LMBR1: variants seen among roughly 807,000 people sequenced by gnomAD.
LMBR1 encodes the protein limb development membrane protein 1.
Under a neutral mutation model 73.9 loss-of-function variants are expected in LMBR1, and 52 were observed. That is an observed-to-expected ratio of 0.70 (90% CI 0.56 to 0.89). The LOEUF is 0.89. Among genes scored for constraint, LMBR1 ranks in the 40% least tolerant of loss-of-function variants. The pLI, the probability that LMBR1 is intolerant of heterozygous loss-of-function variation, is 0.00. For missense variants in LMBR1, 539 were observed against 579.8 expected (o/e 0.93, Z 0.72); for synonymous variants, 215 against 209.4 (o/e 1.03, Z -0.23).
chr7:156,840,277 T>A (rs1186954164), intron 1 of LMBR1, among the ~76,000 whole-genome samples: 1 of 152,100 alleles, frequency 6.6e-6, no homozygotes, highest in East Asian at 1.9e-4. Context: ...GTGTGTCGTA[T>A]GATAATTATG....
At chr7:156,799,911 A>G (rs572635651) in intron 4 of LMBR1, among the ~76,000 whole-genome samples, 56 of 152,350 alleles carry the variant, frequency 3.7e-4, no homozygotes, top group Non-Finnish European at 7.1e-4. Flanking sequence ...ACCAGCCACA[A>G]CATTCCCTAA....
chr7:156,767,433 T>C (rs1450317346), intron 5 of LMBR1, among the ~76,000 whole-genome samples: 1 of 152,128 alleles, frequency 6.6e-6, no homozygotes. Flanking sequence ...TTTTATTATC[T>C]TATACATTAA....
intron 1 of LMBR1, among the ~76,000 whole-genome samples, chr7:156,864,138 C>T (rs1798115104): frequency 6.6e-6 from 1 of 151,876 alleles, no homozygotes; most frequent in Non-Finnish European, 1.5e-5. Flanking sequence ...TGGGTGAAAG[C>T]AAGACTCTGT....
intron 15 of LMBR1, among the ~76,000 whole-genome samples, chr7:156,708,620 T>A (rs573712555): frequency 6.6e-6 from 1 of 151,888 alleles, no homozygotes; most frequent in Non-Finnish European, 1.5e-5. Flanking sequence ...TGTAATAACT[T>A]TGGGCACAAA....
chr7:156,893,058 C>A lies in LMBR1; in HGVS notation c.-65G>T. Reference sequence around the variant, plus strand: ...GCTCCGCCACACCATCGTCCGCCCGCCGCAGGGGCTCGGACAGCCGCGCCG... The same window carrying A: ...GCTCCGCCACACCATCGTCCGCCCGACGCAGGGGCTCGGACAGCCGCGCCG... On this transcript the variant is annotated 5_prime_UTR_variant, in exon 1 of 17. Coordinates refer to ENST00000353442, the MANE Select transcript of LMBR1 (RefSeq NM_022458.4). The A allele has an allele frequency of 2.9e-6, 4 of 1,399,056 alleles. No homozygotes were observed. The highest frequency in any genetic ancestry group is 3.7e-6 in the Non-Finnish European group (4 of 1,075,874). The allele number at this position is 1,399,056 out of a possible 1,614,324, so 86.7% of individuals were successfully genotyped here.
chr7:156,709,835 A>T (rs1811698833), intron 15 of LMBR1, among the ~76,000 whole-genome samples: 1 of 151,772 alleles, frequency 6.6e-6, no homozygotes, highest in South Asian at 2.1e-4. Context: ...CTAGCTCCCT[A>T]GCAATGGATC....
At chr7:156,708,007 T>C (rs1342040984) in intron 15 of LMBR1, among the ~76,000 whole-genome samples, 1 of 148,308 alleles carries the variant, frequency 6.7e-6, no homozygotes, top group East Asian at 2.0e-4. Flanking sequence ...ACAAAATCAA[T>C]GTACAAAAAC....
chr7:156,674,877 G>A (rs906799208), downstream of LMBR1, among the ~76,000 whole-genome samples: 2 of 152,150 alleles, frequency 1.3e-5, no homozygotes, highest in Non-Finnish European at 2.9e-5. Context: ...CTGATCCTGC[G>A]AAATTCGAAC....
chr7:156,714,512 G>C (rs1178637896), intron 15 of LMBR1, among the ~76,000 whole-genome samples: 1 of 152,216 alleles, frequency 6.6e-6, no homozygotes, highest in Non-Finnish European at 1.5e-5. Context: ...TGTGAGGTTT[G>C]GAATGGCACG....
At chr7:156,696,324 C>A (rs1211589468) in intron 15 of LMBR1, among the ~76,000 whole-genome samples, 1 of 152,136 alleles carries the variant, frequency 6.6e-6, no homozygotes, top group Non-Finnish European at 1.5e-5. Context: ...TGATAAAGAA[C>A]TTTAACCAAG....
chr7:156,763,029 C>A, intron 7 of LMBR1, 79 bp downstream of exon 7: 1 of 734,082 alleles, frequency 1.4e-6, no homozygotes, highest in Non-Finnish European at 2.3e-6. Flanking sequence ...TAAGAAATCT[C>A]ATCAGAAAAC....
chr7:156,711,760 C>G (rs905067673), intron 15 of LMBR1, among the ~76,000 whole-genome samples: 2 of 152,100 alleles, frequency 1.3e-5, no homozygotes, highest in African/African-American at 4.8e-5. Context: ...AAAGGATACC[C>G]TTTTCAATAA....
downstream of LMBR1, chr7:156,675,964 G>A: frequency 8.2e-7 from 1 of 1,226,250 alleles, no homozygotes; most frequent in Non-Finnish European, 1.2e-6. Context: ...ACTTTGGGGA[G>A]CCTAGGAGTG....
intron 1 of LMBR1, among the ~76,000 whole-genome samples, chr7:156,858,394 A>G (rs1005521959): frequency 6.6e-6 from 1 of 152,234 alleles, no homozygotes; most frequent in Admixed American, 6.5e-5. Context: ...AAATCATATT[A>G]CTAGTTCTAT....
chr7:156,823,458 A>G (rs1345679126), intron 4 of LMBR1: 1 of 152,194 alleles, frequency 6.6e-6, no homozygotes, highest in African/African-American at 2.4e-5. Context: ...AAACCCAAAT[A>G]ATAATGAAAA....
intron 4 of LMBR1, among the ~76,000 whole-genome samples, chr7:156,797,864 T>C (rs950224574): frequency 6.6e-6 from 1 of 152,216 alleles, no homozygotes; most frequent in Non-Finnish European, 1.5e-5. Context: ...GTAAAATCTT[T>C]TATAAAACAA....
chr7:156,698,047 C>G (rs150018703), intron 15 of LMBR1, among the ~76,000 whole-genome samples: 4 of 152,262 alleles, frequency 2.6e-5, no homozygotes, highest in Admixed American at 6.5e-5. Context: ...ACAGCCATTC[C>G]AAACAGGAGA....
intron 1 of LMBR1, among the ~76,000 whole-genome samples, chr7:156,885,731 T>C (rs1355031306): frequency 6.6e-6 from 1 of 151,570 alleles, no homozygotes; most frequent in Non-Finnish European, 1.5e-5. Flanking sequence ...TCAAAAACAT[T>C]AGCCGGGCAT....
intron 15 of LMBR1, among the ~76,000 whole-genome samples, chr7:156,711,218 G>A (rs1812022710): frequency 6.6e-6 from 1 of 152,170 alleles, no homozygotes; most frequent in South Asian, 2.1e-4. Flanking sequence ...GCTGAGGCAG[G>A]AGAATCGCTT....
Sources: gnomAD v4.1 joint callset for allele counts (sites outside exome capture counted in the v4.1 genomes callset) on GRCh38, gnomAD v4.1.1 for gene constraint, MANE v1.5 for transcripts, NCBI Gene and HGNC (gene_info 2026-07-23, HGNC 2026-07-21) for gene names.